The following MYLIP variants were observed in gnomAD, a reference collection of about 807,000 sequenced individuals.
MYLIP encodes the protein myosin regulatory light chain interacting protein.
MYLIP carries 26 observed loss-of-function variants against 45.8 expected under a neutral mutation model. The ratio of observed to expected loss-of-function variants is 0.57; its 90% CI spans 0.42 to 0.79. The LOEUF is 0.79. MYLIP is among the 30% of genes least tolerant of loss of function. The pLI is 0.00. For synonymous variants in MYLIP, 213 were observed against 218.1 expected (o/e 0.98, Z 0.21); for missense variants, 494 against 555.6 (o/e 0.89, Z 1.11).
chr6:16,143,305 G>T (rs951497267), intron 4 of MYLIP, 88 bp downstream of exon 4: 13 of 1,283,562 alleles, frequency 1.0e-5, no homozygotes. Context: ...GGATTTACTC[G>T]ACAGTCAGCT....
At chr6:16,159,378 T>C in the MYLIP span, among the ~76,000 whole-genome samples, 1 of 152,194 alleles carries the variant, frequency 6.6e-6, no homozygotes, top group Non-Finnish European at 1.5e-5. Context: ...AGATGACTGT[T>C]GTTTTAGCCA....
chr6:16,163,021 G>C, the MYLIP span, among the ~76,000 whole-genome samples: 1 of 151,958 alleles, frequency 6.6e-6, no homozygotes, highest in African/African-American at 2.4e-5. Context: ...TTGTGAAGAT[G>C]AGGGGTGCTA....
chr6:16,144,341 T>C (rs931038557), intron 5 of MYLIP, among the ~76,000 whole-genome samples: 7 of 152,202 alleles, frequency 4.6e-5, no homozygotes, highest in African/African-American at 1.7e-4. Flanking sequence ...CAGATCATCT[T>C]TTCTTTCTGG....
At chr6:16,150,353 G>C (rs557835760), downstream of MYLIP, among the ~76,000 whole-genome samples, 41 of 152,254 alleles carry the variant, frequency 2.7e-4, no homozygotes, top group Admixed American at 2.6e-3. Flanking sequence ...AAGAGTGGGT[G>C]CATTTTCAGA....
chr6:16,129,501 A>AG lies in MYLIP; in HGVS notation c.87+96dup. The AG allele has an allele frequency of 8.0e-7, 1 of 1,254,500 alleles. No homozygotes were observed. Among genetic ancestry groups the AG allele is most frequent in the Non-Finnish European group, 1.1e-6 (1 of 908,352 alleles). 77.7% of individuals were successfully genotyped at this position (1,254,500 alleles called of 1,614,324 possible). ...CTGGCACTCTGGCGCGCCCCCTACT[A>AG]GGGGCCGGGAGGCACTGCGGCGGCA... is the stretch of plus-strand genomic sequence containing the variant. On this transcript the variant is annotated intron_variant, in intron 1 of 6. Coordinates refer to ENST00000356840, the MANE Select transcript of MYLIP (RefSeq NM_013262.4). The surrounding 1 kb of genome is among the most constrained non-coding windows in gnomAD (Gnocchi z 5.1).
the MYLIP span, among the ~76,000 whole-genome samples, chr6:16,162,801 A>AAAAAAAAAAAAAAAAAAAAAAAAAAAAAT: frequency 6.6e-6 from 1 of 151,040 alleles, no homozygotes; most frequent in African/African-American, 2.4e-5. Flanking sequence ...AAAAAAAAAA[A>AAAAAAAAAAAAAAAAAAAAAAAAAAAAAT]AAAAGAAATT....
At chr6:16,156,333 C>T in the MYLIP span, among the ~76,000 whole-genome samples, 1 of 152,222 alleles carries the variant, frequency 6.6e-6, no homozygotes, top group African/African-American at 2.4e-5. Context: ...CAGAATTTCT[C>T]ACCCTCCTGT....
chr6:16,142,139 G>T (rs1759687038), intron 3 of MYLIP, among the ~76,000 whole-genome samples: 1 of 152,236 alleles, frequency 6.6e-6, no homozygotes, highest in Non-Finnish European at 1.5e-5. Context: ...TATATTCATA[G>T]AGCTATCAAA....
intron 2 of MYLIP, among the ~76,000 whole-genome samples, chr6:16,135,748 CATATATCTATATATATAT>C (rs1051641986): frequency 1.4e-4 from 16 of 113,152 alleles, no homozygotes; most frequent in Non-Finnish European, 2.2e-4. Flanking sequence ...TGTGTGTATA[CATATATCTATATATATAT>C]ATATATATAT....
chr6:16,136,536 A>G (rs770748079), intron 2 of MYLIP, among the ~76,000 whole-genome samples: 7 of 152,194 alleles, frequency 4.6e-5, no homozygotes, highest in African/African-American at 7.2e-5. Flanking sequence ...TAAACATTCT[A>G]GTATGTACCT....
chr6:16,158,223 G>A, the MYLIP span, among the ~76,000 whole-genome samples: 1 of 152,244 alleles, frequency 6.6e-6, no homozygotes, highest in Non-Finnish European at 1.5e-5. Flanking sequence ...CGCCACTGAA[G>A]CAAGCGACGC....
chr6:16,132,960 A>G (rs1759487301), intron 2 of MYLIP, among the ~76,000 whole-genome samples: 1 of 152,242 alleles, frequency 6.6e-6, no homozygotes, highest in Admixed American at 6.5e-5. Context: ...TACTGAAAGT[A>G]TCTAGACAGT....
downstream of MYLIP, among the ~76,000 whole-genome samples, chr6:16,152,383 G>A (rs1209835378): frequency 2.0e-5 from 3 of 152,154 alleles, no homozygotes; most frequent in African/African-American, 7.2e-5. Context: ...TGGTTCAGGG[G>A]CAATATTGGC....
At position 16,145,201 on chromosome 6, in the gene MYLIP, C is replaced by T. The variant is rs1468108188; in HGVS notation, c.1132C>T (p.Leu378=). The T allele has an allele frequency of 6.2e-7, 1 of 1,614,154 alleles. No individual in the cohort carries two copies. Among genetic ancestry groups the T allele is most frequent in the Non-Finnish European group, 8.5e-7 (1 of 1,180,022 alleles). The part of the protein sequence containing the change: ...CQQTRVLQEK[L]RKLKEAMLCM... ...GCAGACCCGGGTGCTGCAGGAGAAGCTACGCAAGCTGAAGGAAGCCATGCT... is the reference window on the plus strand; with the variant it reads ...GCAGACCCGGGTGCTGCAGGAGAAGTTACGCAAGCTGAAGGAAGCCATGCT... Residue 378 remains leucine (L), a synonymous_variant, in exon 6 of 7, where the codon CTA becomes TTA. Coordinates refer to ENST00000356840, the MANE Select transcript of MYLIP (RefSeq NM_013262.4).
At chr6:16,138,702 C>T (rs900891372) in intron 2 of MYLIP, among the ~76,000 whole-genome samples, 2 of 152,156 alleles carry the variant, frequency 1.3e-5, no homozygotes, top group African/African-American at 4.8e-5. Flanking sequence ...GGCACAGAGG[C>T]GGTGCAAGAC....
the MYLIP span, among the ~76,000 whole-genome samples, chr6:16,156,296 C>T: frequency 6.6e-6 from 1 of 152,204 alleles, no homozygotes; most frequent in Non-Finnish European, 1.5e-5. Context: ...GGGTGGAGCC[C>T]TCACCAGGGA....
At chr6:16,148,553 A>G (rs1325192940), downstream of MYLIP, among the ~76,000 whole-genome samples, 3 of 151,156 alleles carry the variant, frequency 2.0e-5, no homozygotes, top group African/African-American at 7.3e-5. Flanking sequence ...TTAGATTGGT[A>G]TGTAGGGGAA....
rs1255959736 is a variant in MYLIP, at chr6:16,141,728, T to C, written c.382T>C (p.Phe128Leu). 1 of 1,614,066 alleles carries C rather than the reference T, an allele frequency of 6.2e-7. No homozygotes were observed. Among genetic ancestry groups the C allele is most frequent in the Admixed American group, 1.7e-5 (1 of 60,012 alleles). The change falls in exon 3 of 7, where the codon TTT (phenylalanine) becomes CTT (leucine). Residue 128 changes from phenylalanine to leucine, a missense_variant. By Grantham distance (22) the Phe-to-Leu change is conservative. Transcript: ENST00000356840. The part of the protein sequence containing the change: ...ELSALLAQTK[F>L]GDYNQNTAKY... Reference sequence around the variant, plus strand: ...CAGTGCCCTCCTGGCCCAGACCAAGTTTGGAGACTACAACCAGAACACTGC... The same window carrying C: ...CAGTGCCCTCCTGGCCCAGACCAAGCTTGGAGACTACAACCAGAACACTGC...
downstream of MYLIP, among the ~76,000 whole-genome samples, chr6:16,152,094 TGGAAAG>T (rs1759886098): frequency 6.6e-6 from 1 of 151,928 alleles, no homozygotes; most frequent in Admixed American, 6.6e-5. Flanking sequence ...TTTGGATTGA[TGGAAAG>T]GGAAAGCATG....
Sources: gnomAD v4.1 joint callset for allele counts (sites outside exome capture counted in the v4.1 genomes callset) on GRCh38, gnomAD v4.1.1 for gene constraint, Gnocchi (gnomAD v3.1) non-coding constraint, MANE v1.5 for transcripts, NCBI Gene and HGNC (gene_info 2026-07-23, HGNC 2026-07-21) for gene names.